Variants in STK33 observed in about 807,000 individuals in gnomAD.
The protein encoded by STK33 is serine/threonine-protein kinase 33.
Under a neutral mutation model 58.0 loss-of-function variants are expected in STK33, and 52 were observed. The ratio of observed to expected loss-of-function variants is 0.90; its 90% CI spans 0.72 to 1.13. The LOEUF is 1.13. Among genes scored for constraint, STK33 ranks in the 50% most tolerant of loss-of-function variants. The pLI is 0.00. For synonymous variants in STK33, 215 were observed against 200.1 expected, an observed-to-expected ratio of 1.07 and a Z score of -0.63; for missense variants, 630 against 604.2, an observed-to-expected ratio of 1.04 and a Z score of -0.45.
intron 1 of STK33, among the ~76,000 whole-genome samples, chr11:8,575,680 G>A (rs1215989685): frequency 6.6e-6 from 1 of 152,054 alleles, no homozygotes; most frequent in Non-Finnish European, 1.5e-5. Context: ...ACCAGCTAAT[G>A]CCACTGAATT....
the STK33 span, among the ~76,000 whole-genome samples, chr11:8,370,807 G>A: frequency 2.0e-5 from 3 of 152,172 alleles, no homozygotes; most frequent in African/African-American, 7.2e-5. Context: ...GGAGGACTGC[G>A]CCCAGCACGA....
chr11:8,421,643 C>T (rs1369552417), intron 14 of STK33, among the ~76,000 whole-genome samples: 1 of 152,184 alleles, frequency 6.6e-6, no homozygotes, highest in African/African-American at 2.4e-5. Context: ...TGTATTTGCA[C>T]TGAATATGTA....
At position 8,395,243 on chromosome 11, in the gene STK33, T is replaced by C. The variant is rs113957335; in HGVS notation, c.1345-2533A>G. ...GTGGGAGGGACCCAGTGGGAGGTAA[T>C]TGAATCACAGGGGCAGGTTTTTCCT... On this transcript the variant is annotated intron_variant, in intron 15 of 15. Coordinates refer to ENST00000687296, the MANE Select transcript of STK33 (RefSeq NM_001352389.2). Among the ~76,000 whole-genome samples, 190 of 152,334 alleles carry C rather than the reference T, an allele frequency of 1.2e-3. 1 individual carries two copies. Among genetic ancestry groups the C allele is most frequent in the African/African-American group, 3.4e-3 (141 of 41,568 alleles).
Position 8,483,550 on chromosome 11 carries a change from C to T in STK33, c.-465-2936G>A, listed in dbSNP as rs184690965. ...ACTTCCAAAACTGACCCTAATCAGA[C>T]ACAGGTTTTAGTGAACAGAGAGTGG... On this transcript the variant is annotated intron_variant, in intron 1 of 15. Coordinates refer to ENST00000687296, the MANE Select transcript of STK33 (RefSeq NM_001352389.2). Among the ~76,000 whole-genome samples, 48 of 152,208 alleles carry T rather than the reference C, an allele frequency of 3.2e-4. 1 individual carries two copies. In the East Asian group the frequency reaches 8.9e-3, roughly 28 times the overall value.
At chr11:8,496,882 A>AT (rs945056006) in intron 1 of STK33, among the ~76,000 whole-genome samples, 7 of 151,688 alleles carry the variant, frequency 4.6e-5, no homozygotes, top group Admixed American at 3.9e-4. Flanking sequence ...CTGATATTTC[A>AT]TTTTTTTTAT....
At chr11:8,500,186 A>C (rs1951406380) in intron 1 of STK33, among the ~76,000 whole-genome samples, 2 of 152,186 alleles carry the variant, frequency 1.3e-5, no homozygotes, top group Non-Finnish European at 2.9e-5. Flanking sequence ...ATTGTACTGG[A>C]GGTCCTACAC....
intron 1 of STK33, among the ~76,000 whole-genome samples, chr11:8,510,709 CT>C (rs2139440365): frequency 6.6e-6 from 1 of 152,178 alleles, no homozygotes; most frequent in South Asian, 2.1e-4. Flanking sequence ...CATTTTCATT[CT>C]TCTACATGTG....
At chr11:8,400,356 C>G (rs1850168891) in intron 15 of STK33, among the ~76,000 whole-genome samples, 1 of 152,158 alleles carries the variant, frequency 6.6e-6, no homozygotes, top group Non-Finnish European at 1.5e-5. Flanking sequence ...TAAACAGAAC[C>G]AATGACAAAA....
At chr11:8,396,476 T>G (rs1212215177) in intron 15 of STK33, among the ~76,000 whole-genome samples, 1 of 152,336 alleles carries the variant, frequency 6.6e-6, no homozygotes, top group Non-Finnish European at 1.5e-5. Flanking sequence ...AAAGTTTTTC[T>G]AAAAGAATCT....
chr11:8,478,915 C>T (rs935530457), intron 2 of STK33, among the ~76,000 whole-genome samples: 2 of 152,106 alleles, frequency 1.3e-5, no homozygotes, highest in African/African-American at 4.8e-5. Flanking sequence ...TCATTAAGGG[C>T]ATGATTAGGA....
intron 15 of STK33, among the ~76,000 whole-genome samples, chr11:8,393,758 T>A (rs1848899252): frequency 6.6e-6 from 1 of 152,236 alleles, no homozygotes; most frequent in Admixed American, 6.5e-5. Flanking sequence ...TCTTTGATCA[T>A]TCAGGTTCTT....
chr11:8,557,706 A>T (rs1163803068), intron 1 of STK33, among the ~76,000 whole-genome samples: 1 of 152,162 alleles, frequency 6.6e-6, no homozygotes, highest in Non-Finnish European at 1.5e-5. Context: ...GCATTCAATG[A>T]AAGATTTTTA....
At chr11:8,513,535 T>A (rs979987818) in intron 1 of STK33, among the ~76,000 whole-genome samples, 2 of 152,190 alleles carry the variant, frequency 1.3e-5, no homozygotes, top group African/African-American at 4.8e-5. Flanking sequence ...AATCATGCTA[T>A]CCACCTCTAC....
intron 1 of STK33, among the ~76,000 whole-genome samples, chr11:8,586,992 T>C (rs1408430246): frequency 6.6e-6 from 1 of 152,162 alleles, no homozygotes; most frequent in East Asian, 1.9e-4. Flanking sequence ...TGAGGATGAG[T>C]GCAGTGGCAA....
chr11:8,396,166 C>T (rs1358060232), intron 15 of STK33, among the ~76,000 whole-genome samples: 5 of 152,134 alleles, frequency 3.3e-5, no homozygotes, highest in African/African-American at 1.2e-4. Flanking sequence ...TGCAATGACA[C>T]AATCTAGGCT....
At chr11:8,554,239 G>T (rs1219695206) in intron 1 of STK33, among the ~76,000 whole-genome samples, 5 of 151,826 alleles carry the variant, frequency 3.3e-5, no homozygotes, top group Non-Finnish European at 7.4e-5. Flanking sequence ...CTAACACAGT[G>T]AAACCCCGTC....
chr11:8,521,118 G>C (rs567576566), intron 1 of STK33, among the ~76,000 whole-genome samples: 1 of 151,590 alleles, frequency 6.6e-6, no homozygotes, highest in Non-Finnish European at 1.5e-5. Context: ...CACAGAATTG[G>C]AAAAAACTAC....
chr11:8,464,895 A>T (rs1332573683), intron 6 of STK33, 73 bp from the exon 7 acceptor site: 2 of 890,412 alleles, frequency 2.2e-6, no homozygotes, highest in Admixed American at 2.1e-5. Context: ...TATAATACTG[A>T]CAGATACTCA....
At chr11:8,548,162 A>T (rs977061543) in intron 1 of STK33, among the ~76,000 whole-genome samples, 30 of 138,542 alleles carry the variant, frequency 2.2e-4, no homozygotes, top group African/African-American at 3.2e-4. Flanking sequence ...AAAGTATAAT[A>T]AAAAAAAAAA....
Sources: allele counts gnomAD v4.1 joint callset (sites outside exome capture counted in the v4.1 genomes callset), GRCh38; gene constraint gnomAD v4.1.1; transcripts MANE v1.5; gene names NCBI Gene and HGNC (gene_info 2026-07-23, HGNC 2026-07-21).